Variants in KDM6B observed in about 807,000 individuals in gnomAD.
KDM6B encodes the protein lysine demethylase 6B, also known as lysine-specific demethylase 6B.
A neutral mutation model predicts 150.4 loss-of-function variants in KDM6B; 22 were observed. That is an observed-to-expected ratio of 0.15 (90% CI 0.10 to 0.21). KDM6B has a LOEUF of 0.21. Ranked by LOEUF, KDM6B falls within the 10% of genes least tolerant of loss-of-function variation. The probability of loss-of-function intolerance (pLI) is 1.00; values close to 1 mark genes in which losing one functional copy is unlikely to be tolerated. For missense variants in KDM6B, 1,984 were observed against 2,234.3 expected (o/e 0.89, Z 2.26); for synonymous variants, 1,148 against 921.1 (o/e 1.25, Z -4.46).
rs568419773 is a variant in KDM6B at position 7,847,631 on chromosome 17, C to T, written c.1343C>T (p.Pro448Leu). The stretch of plus-strand genomic sequence containing the variant: ...CCCTCGGCACACAGCAGTCGGAAAC[C>T]GTTCTTGGGGGCTCCCGCTGCCACT... Reference protein sequence around the residue: ...LGPSAHSSRKPFLGAPAATPH... With the variant: ...LGPSAHSSRKLFLGAPAATPH... The change falls in exon 12 of 24, where the codon CCG becomes CTG. Residue 448 changes from proline to leucine, a missense_variant. Coordinates refer to ENST00000448097, the MANE Select transcript of KDM6B (RefSeq NM_001348716.2). The T allele has an allele frequency of 1.4e-5, 23 of 1,611,710 alleles. No homozygotes were observed. The highest frequency in any genetic ancestry group is 1.1e-4 in the African/African-American group (8 of 74,892).
rs903252155 is a variant in KDM6B, at chr17:7,844,036, C to T, written c.-268-865C>T. 1.3e-5 allele frequency among the ~76,000 whole-genome samples: 2 copies of T among 149,280 alleles called. No individual in the cohort carries two copies. Among genetic ancestry groups the T allele is most frequent in the Non-Finnish European group, 3.0e-5 (2 of 67,386 alleles). ...GGTGATGTCACTGCCTGTCGGGCCC[C>T]GCCCTCCTCCCTCCCTCAGGACCCC... On this transcript the variant is annotated intron_variant, in intron 2 of 23. Transcript: ENST00000448097. This position sits in a 1 kb window ranked among gnomAD's most constrained non-coding sequence, Gnocchi z 5.9.
chr17:7,850,371 C>G (rs1263539823), intron 14 of KDM6B, among the ~76,000 whole-genome samples, 194 bp downstream of exon 14: 1 of 152,176 alleles, frequency 6.6e-6, no homozygotes, highest in Non-Finnish European at 1.5e-5. Flanking sequence ...GGGCCATAGT[C>G]AGGGCCTGAT....
Position 7,848,313 on chromosome 17 carries a change from C to A in KDM6B, c.2025C>A (p.Pro675=), listed in dbSNP as rs765298015. Reference sequence around the variant, plus strand: ...GCCCTCGACTCTTTGATTTTCCCCCCACTCCGCTGGAGGACCAGTTTGAGG... The same window carrying A: ...GCCCTCGACTCTTTGATTTTCCCCCAACTCCGCTGGAGGACCAGTTTGAGG... ...ARGPRLFDFP[P]TPLEDQFEEP... Residue 675 remains proline (P), a synonymous_variant, in exon 12 of 24, where the codon CCC becomes CCA. Coordinates refer to ENST00000448097, the MANE Select transcript of KDM6B (RefSeq NM_001348716.2). The A allele has an allele frequency of 1.9e-6, 3 of 1,612,792 alleles. No individual in the cohort carries two copies. The highest frequency in any genetic ancestry group is 1.3e-5 in the African/African-American group (1 of 74,998).
intron 21 of KDM6B, 52 bp from the exon 22 acceptor site, chr17:7,852,948 C>T (rs2078730902): frequency 1.2e-6 from 2 of 1,612,326 alleles, no homozygotes; most frequent in Non-Finnish European, 8.5e-7. Context: ...TCCAGCCCTG[C>T]CTCAGGCCTC....
chr17:7,848,782 T>C lies in KDM6B; in HGVS notation c.2494T>C (p.Leu832=). 1 of 1,612,758 alleles carries C rather than the reference T, an allele frequency of 6.2e-7. No homozygotes were observed. The highest frequency in any genetic ancestry group is 8.5e-7 in the Non-Finnish European group (1 of 1,179,980). ...GAAVSTRPGP[L]PTTQYSPGPP... is the part of the protein sequence containing the mutation. Reference sequence around the variant, plus strand: ...AGCTGTTTCCACCCGGCCTGGGCCCTTGCCCACCACTCAGTATTCCCCTGG... The same window carrying C: ...AGCTGTTTCCACCCGGCCTGGGCCCCTGCCCACCACTCAGTATTCCCCTGG... The change falls in exon 12 of 24, where the codon TTG becomes CTG. Residue 832 remains leucine (L), a synonymous_variant. Coordinates refer to ENST00000448097, the MANE Select transcript of KDM6B (RefSeq NM_001348716.2).
At position 7,852,068 on chromosome 17, in the gene KDM6B, G is replaced by A. The variant is rs1186290507; in HGVS notation, c.4280+3G>A. 3.7e-6 allele frequency: 6 copies of A among 1,613,822 alleles called. No homozygotes were observed. The East Asian group carries it at 6.7e-5, about 18-fold the overall frequency. ...ACCATCAGCGCTTTCTGTGATCGGT[G>A]CGTGCCGTCCTGCGCAAGTCAGACT... On this transcript the variant is annotated splice_donor_region_variant and intron_variant, in intron 19 of 23. Coordinates refer to ENST00000448097, the MANE Select transcript of KDM6B (RefSeq NM_001348716.2).
chr17:7,838,803 C>T (rs2151368955), intron 1 of KDM6B, among the ~76,000 whole-genome samples: 1 of 152,114 alleles, frequency 6.6e-6, no homozygotes, highest in East Asian at 1.9e-4. Context: ...CTGAAGCTCC[C>T]TTCCCGAGCA....
At chr17:7,852,669 C>T (rs772057423) in intron 21 of KDM6B, 33 bp downstream of exon 21, 3 of 1,613,412 alleles carry the variant, frequency 1.9e-6, no homozygotes, top group Non-Finnish European at 1.7e-6. Context: ...AGCCCACCTC[C>T]ACTGACTGGT....
rs545671915 is a variant in KDM6B at position 7,844,331 on chromosome 17, A to T, written c.-268-570A>T. The T allele has an allele frequency of 1.4e-5, 2 of 145,224 alleles. No homozygotes were observed. The highest frequency in any genetic ancestry group is 4.2e-4 in the South Asian group (2 of 4,782). 9.0% of individuals were successfully genotyped at this position (145,224 alleles called of 1,614,324 possible). A position where few individuals can be genotyped will look rare whatever the true frequency, so the allele number is the denominator to read the frequency against. ...ATTGAAGACCCAGAAAGCCAGGGGA[A>T]GTAGAGGACCTGGAGGAACTGGGTA... On this transcript the variant is annotated intron_variant, in intron 2 of 23. Transcript: ENST00000448097. The surrounding 1 kb of genome is among the most constrained non-coding windows in gnomAD (Gnocchi z 5.9).
rs2078511027 is a variant in KDM6B, at chr17:7,845,399, G to C, written c.-63G>C. 1 of 918,638 alleles carries C rather than the reference G, an allele frequency of 1.1e-6. No individual in the cohort carries two copies. Among genetic ancestry groups the C allele is most frequent in the African/African-American group, 1.6e-5 (1 of 61,400 alleles). The allele number at this position is 918,638 out of a possible 1,614,324, so 56.9% of individuals were successfully genotyped here. A position where few individuals can be genotyped will look rare whatever the true frequency, so the allele number is the denominator to read the frequency against. Reference sequence around the variant, plus strand: ...GCTGGAGCCGGACCATCGTCCCAGAGAGCTGGGGCAGGGGGCCGTGCCCAA... The same window carrying C: ...GCTGGAGCCGGACCATCGTCCCAGACAGCTGGGGCAGGGGGCCGTGCCCAA... On this transcript the variant is annotated 5_prime_UTR_variant, in exon 4 of 24. Transcript: ENST00000448097.
In KDM6B at chr17:7,846,859, TACCACCACCACCACCACCACC is replaced by T. The variant is rs61462443; in HGVS notation, c.771_791del (p.Pro258_Pro264del). 1.1e-4 allele frequency: 135 copies of T among 1,215,894 alleles called. No homozygotes were observed. The highest frequency in any genetic ancestry group is 2.6e-4 in the Middle Eastern group (1 of 3,820). 75.3% of individuals were successfully genotyped at this position (1,215,894 alleles called of 1,614,324 possible). ...GGGCTGCCACTGCCTCCACCACCATTACCACCACCACCACCACCACCACCACCACCACCACCACCCCTGCCT... is the reference window on the plus strand; with the variant it reads ...GGGCTGCCACTGCCTCCACCACCATTACCACCACCACCACCACCCCTGCCT... On this transcript the variant is annotated inframe_deletion, in exon 10 of 24. Coordinates refer to ENST00000448097, the MANE Select transcript of KDM6B (RefSeq NM_001348716.2).
chr17:7,836,512 C>G (rs868500161), intron 1 of KDM6B, among the ~76,000 whole-genome samples: 1 of 152,172 alleles, frequency 6.6e-6, no homozygotes, highest in Non-Finnish European at 1.5e-5. Flanking sequence ...AAGACGGAGC[C>G]CCGCGGGACC....
chr17:7,845,130 C>T (rs1241173120), intron 3 of KDM6B, 110 bp downstream of exon 3: 1 of 283,532 alleles, frequency 3.5e-6, no homozygotes, highest in Non-Finnish European at 7.0e-6. Flanking sequence ...CACACACGTC[C>T]TGACTCCCAG....
rs751070621 is a variant in KDM6B at position 7,846,228 on chromosome 17, C to G, written c.387C>G (p.Cys129Trp). Reference protein sequence around the residue: ...SEHDSEEATRCYHSALRYGGS... With the variant: ...SEHDSEEATRWYHSALRYGGS... Reference sequence around the variant, plus strand: ...ACGATAGTGAGGAGGCCACACGCTGCTACCACAGCGCCCTTCGATACGGAG... The same window carrying G: ...ACGATAGTGAGGAGGCCACACGCTGGTACCACAGCGCCCTTCGATACGGAG... The change falls in exon 7 of 24, where the codon TGC becomes TGG. Residue 129 changes from cysteine to tryptophan, a missense_variant. This residue lies in a region of KDM6B where 337 missense variants were observed against 323.9 expected (regional missense o/e 1.04). Transcript: ENST00000448097. The G allele has an allele frequency of 6.2e-7, 1 of 1,614,094 alleles. No individual in the cohort carries two copies. The highest frequency in any genetic ancestry group is 1.3e-5 in the African/African-American group (1 of 75,054).
chr17:7,852,514 C>G lies in KDM6B; in HGVS notation c.4488C>G (p.Ala1496=), dbSNP rs1301300112. Residue 1496 remains alanine (A), a synonymous_variant, in exon 21 of 24, where the codon GCC becomes GCG. Transcript: ENST00000448097. ...GPLTAYQYQL[A]LERYEWNEVK... Reference sequence around the variant, plus strand: ...CCGCAGCCTATCAGTACCAGCTGGCCCTGGAACGATACGAGTGGAATGAGG... The same window carrying G: ...CCGCAGCCTATCAGTACCAGCTGGCGCTGGAACGATACGAGTGGAATGAGG... The G allele has an allele frequency of 1.9e-6, 3 of 1,613,720 alleles. No individual in the cohort carries two copies. Among genetic ancestry groups the G allele is most frequent in the Admixed American group, 1.7e-5 (1 of 59,950 alleles).
Position 7,852,616 on chromosome 17 carries a change from C to T in KDM6B, c.4590C>T (p.Pro1530=), listed in dbSNP as rs537036708. Residue 1530 remains proline, a synonymous_variant, in exon 21 of 24, where the codon CCC becomes CCT. Transcript: ENST00000448097. ...CTCGCACGGTCAAAATCAGCGACCC[C>T]GACTTGTTCAAGATGATCAAGTGAG... ...NVARTVKISD[P]DLFKMIKFCL... The T allele has an allele frequency of 4.3e-6, 7 of 1,614,086 alleles. No homozygotes were observed. In the Admixed American group the frequency reaches 8.3e-5, roughly 19 times the overall value.
In KDM6B at chr17:7,847,115, A is replaced by G. The variant is rs756367009; in HGVS notation, c.920A>G (p.His307Arg). Reference sequence around the variant, plus strand: ...GTTTATCTCCTATAGGAGCAGCGGCACTCGCTGCCTCACCCATATCCATAC... The same window carrying G: ...GTTTATCTCCTATAGGAGCAGCGGCGCTCGCTGCCTCACCCATATCCATAC... ...SAPPERQEQR[H>R]SLPHPYPYPA... is the part of the protein sequence containing the mutation. The change falls in exon 11 of 24, where the codon CAC becomes CGC. Residue 307 changes from histidine (H) to arginine (R), a missense_variant. His to Arg is a conservative substitution (Grantham distance 29). This residue lies in a region of KDM6B where 1,379 missense variants were observed against 1,275.6 expected (regional missense o/e 1.08). Coordinates refer to ENST00000448097, the MANE Select transcript of KDM6B (RefSeq NM_001348716.2). 4.3e-6 allele frequency: 7 copies of G among 1,611,402 alleles called. No individual in the cohort carries two copies. In the Admixed American group the frequency reaches 1.2e-4, roughly 27 times the overall value.
In KDM6B at chr17:7,854,724, T is replaced by A; in HGVS notation, c.*1203T>A. 1.2e-5 allele frequency: 3 copies of A among 249,344 alleles called. No homozygotes were observed. The highest frequency in any genetic ancestry group is 1.6e-5 in the Non-Finnish European group (2 of 125,160). The allele number at this position is 249,344 out of a possible 1,614,324, so 15.4% of individuals were successfully genotyped here. ...CTCTGCCCCAGGGGCAGAGGGGTCT[T>A]CCCAACCCTACCCCTATTTTCGGTG... On this transcript the variant is annotated 3_prime_UTR_variant, in exon 24 of 24. Transcript: ENST00000448097.
rs761815806 is a variant in KDM6B at position 7,848,312 on chromosome 17, C to G, written c.2024C>G (p.Pro675Arg). ...GGCCCTCGACTCTTTGATTTTCCCC[C>G]CACTCCGCTGGAGGACCAGTTTGAG... Reference protein sequence around the residue: ...ARGPRLFDFPPTPLEDQFEEP... With the variant: ...ARGPRLFDFPRTPLEDQFEEP... Residue 675 changes from proline to arginine, a missense_variant, in exon 12 of 24, where the codon CCC (proline) becomes CGC (arginine). Around this residue, in one of 13 missense-constraint regions of KDM6B, gnomAD observed 1,379 missense variants for 1,275.6 expected, o/e 1.08. Transcript: ENST00000448097. 6.2e-7 allele frequency: 1 copy of G among 1,612,628 alleles called. No homozygotes were observed.
Sources: allele counts gnomAD v4.1 joint callset (sites outside exome capture counted in the v4.1 genomes callset), GRCh38; gene constraint gnomAD v4.1.1; regional missense constraint gnomAD v4.1.1; non-coding constraint Gnocchi (gnomAD v3.1); transcripts MANE v1.5; gene names NCBI Gene and HGNC (gene_info 2026-07-23, HGNC 2026-07-21).